Variants in ZFYVE28 observed in about 807,000 individuals in gnomAD.
ZFYVE28 encodes the protein lateral signaling target protein 2 homolog.
Under a neutral mutation model 82.1 loss-of-function variants are expected in ZFYVE28, and 40 were observed. The ratio of observed to expected loss-of-function variants is 0.49; its 90% confidence interval spans 0.38 to 0.63. The LOEUF is 0.63. Among genes scored for constraint, ZFYVE28 ranks in the 30% least tolerant of loss-of-function variants. The probability of loss-of-function intolerance (pLI) is 0.00; values close to 1 mark genes in which losing one functional copy is unlikely to be tolerated. For missense variants in ZFYVE28, 1,321 were observed against 1,242.1 expected, an observed-to-expected ratio of 1.06 and a Z score of -0.96; for synonymous variants, 612 against 546.1, an observed-to-expected ratio of 1.12 and a Z score of -1.68.
At chr4:2,401,753 A>G (rs960644371) in intron 1 of ZFYVE28, among the ~76,000 whole-genome samples, 1 of 152,172 alleles carries the variant, frequency 6.6e-6, no homozygotes, top group African/African-American at 2.4e-5. Context: ...CCCGGGGCTC[A>G]GGTGCAGAGC....
chr4:2,385,280 G>A (rs1269799333), intron 1 of ZFYVE28, among the ~76,000 whole-genome samples: 1 of 152,212 alleles, frequency 6.6e-6, no homozygotes, highest in Non-Finnish European at 1.5e-5. Flanking sequence ...CGGTAAGGGA[G>A]TGGGCCAAGA....
At chr4:2,412,781 TG>T (rs1220703438) in intron 1 of ZFYVE28, among the ~76,000 whole-genome samples, 2 of 152,146 alleles carry the variant, frequency 1.3e-5, no homozygotes, top group Admixed American at 1.3e-4. Flanking sequence ...TCCGGTATTC[TG>T]GGAATTCTTG....
At position 2,335,873 on chromosome 4, in the gene ZFYVE28, A is replaced by T; in HGVS notation, c.612-79T>A. 2 of 1,266,638 alleles carry T rather than the reference A, an allele frequency of 1.6e-6. No individual in the cohort carries two copies. The highest frequency in any genetic ancestry group is 2.6e-5 in the South Asian group (2 of 78,078). 78.5% of individuals were successfully genotyped at this position (1,266,638 alleles called of 1,614,324 possible). On this transcript the variant is annotated intron_variant, in intron 5 of 12. Transcript: ENST00000290974. The surrounding 1 kb of genome is among the most constrained non-coding windows in gnomAD (Gnocchi z 5.8). ...AGGTTGGACCCCAGCAGGGACAGGC[A>T]GTGCGCTCAATCTGTACCTGCAGCC...
chr4:2,303,414 C>T lies in ZFYVE28; in HGVS notation c.2051+875G>A, dbSNP rs575887991. 9.8e-4 allele frequency among the ~76,000 whole-genome samples: 150 copies of T among 152,346 alleles called. 1 individual carries two copies. Among genetic ancestry groups the T allele is most frequent in the Non-Finnish European group, 1.3e-3 (88 of 68,030 alleles). ...ATCCCCATCTGCTGCCCGGCTCCCACGGCTCCTGGTGGGGGCTTTTCTGGT... is the reference window on the plus strand; with the variant it reads ...ATCCCCATCTGCTGCCCGGCTCCCATGGCTCCTGGTGGGGGCTTTTCTGGT... On this transcript the variant is annotated intron_variant, in intron 8 of 12. Transcript: ENST00000290974.
In ZFYVE28 at chr4:2,330,401, AGAG is replaced by A. The variant is rs889467943; in HGVS notation, c.701+5301_701+5303del. On this transcript the variant is annotated intron_variant, in intron 6 of 12. Coordinates refer to ENST00000290974, the MANE Select transcript of ZFYVE28 (RefSeq NM_020972.3). ...TACAGCAGGGAGTAGGGGACAGTGC[AGAG>A]GAGAGGACAGCACGGAAGAGGGGAC... The A allele has an allele frequency of 5.4e-5, 56 of 1,032,620 alleles. No individual in the cohort carries two copies. In the African/African-American group the frequency reaches 9.3e-4, roughly 17 times the overall value. 64.0% of individuals were successfully genotyped at this position (1,032,620 alleles called of 1,614,324 possible). A position where few individuals can be genotyped will look rare whatever the true frequency, so the allele number is the denominator to read the frequency against.
At chr4:2,401,301 G>A (rs1488024043) in intron 1 of ZFYVE28, among the ~76,000 whole-genome samples, 1 of 152,208 alleles carries the variant, frequency 6.6e-6, no homozygotes, top group Non-Finnish European at 1.5e-5. Flanking sequence ...ATCCTGTGCA[G>A]AGCCACCCCA....
At chr4:2,286,660 G>C (rs937005316) in intron 8 of ZFYVE28, 3 of 152,270 alleles carry the variant, frequency 2.0e-5, no homozygotes, top group African/African-American at 7.2e-5. Context: ...GTGGGCTCTT[G>C]GTGGAGCAAA....
intron 1 of ZFYVE28, among the ~76,000 whole-genome samples, chr4:2,396,988 C>T (rs1441149994): frequency 2.0e-5 from 3 of 152,160 alleles, no homozygotes; most frequent in East Asian, 3.8e-4. Flanking sequence ...TGGGGCAGGA[C>T]AGGAGCCAGG....
chr4:2,285,549 C>G (rs181627445), intron 8 of ZFYVE28: 1 of 152,368 alleles, frequency 6.6e-6, no homozygotes, highest in African/African-American at 2.4e-5. Flanking sequence ...CATTCTCTCT[C>G]GTGGTTTTCC....
At chr4:2,287,866 G>A (rs950041485) in intron 8 of ZFYVE28, among the ~76,000 whole-genome samples, 1 of 152,220 alleles carries the variant, frequency 6.6e-6, no homozygotes, top group Non-Finnish European at 1.5e-5. Flanking sequence ...TGGTTCCAAA[G>A]TACTGAACAT....
At chr4:2,281,974 G>A (rs892294404) in intron 8 of ZFYVE28, among the ~76,000 whole-genome samples, 40 of 152,212 alleles carry the variant, frequency 2.6e-4, no homozygotes, top group African/African-American at 9.4e-4. Context: ...GTGAGATACA[G>A]CCACAGCTCA....
At chr4:2,363,058 T>C (rs1293490478) in intron 1 of ZFYVE28, among the ~76,000 whole-genome samples, 8 of 152,156 alleles carry the variant, frequency 5.3e-5, no homozygotes, top group Non-Finnish European at 4.4e-5. Flanking sequence ...ACCAGGGAAC[T>C]GCTGAGACTG....
chr4:2,280,073 T>C (rs562582225), intron 8 of ZFYVE28, among the ~76,000 whole-genome samples: 53 of 152,352 alleles, frequency 3.5e-4, no homozygotes, highest in Admixed American at 2.5e-3. Flanking sequence ...CAAACTCATA[T>C]GCAAGAAATA....
intron 7 of ZFYVE28, among the ~76,000 whole-genome samples, chr4:2,309,682 G>C (rs1288130678): frequency 6.6e-6 from 1 of 152,046 alleles, no homozygotes; most frequent in East Asian, 1.9e-4. Flanking sequence ...ATGTTAAATG[G>C]AGATAGTGAA....
rs1054705502 is a variant in ZFYVE28 at position 2,302,609 on chromosome 4, G to A, written c.2051+1680C>T. Reference sequence around the variant, plus strand: ...CACACACAGAGTGACCACATGATCCGCAATTCCGCTCACAGGGATCCACCC... The same window carrying A: ...CACACACAGAGTGACCACATGATCCACAATTCCGCTCACAGGGATCCACCC... On this transcript the variant is annotated intron_variant, in intron 8 of 12. Transcript: ENST00000290974. 6.6e-5 allele frequency among the ~76,000 whole-genome samples: 10 copies of A among 152,358 alleles called. 1 individual carries two copies. The highest frequency in any genetic ancestry group is 2.1e-4 in the South Asian group (1 of 4,828).
At chr4:2,278,930 C>T (rs1174791905) in intron 8 of ZFYVE28, among the ~76,000 whole-genome samples, 1 of 14,456 alleles carries the variant, frequency 6.9e-5, no homozygotes, top group Non-Finnish European at 1.2e-4. Context: ...TTAGAATGTT[C>T]CCCCCCCCCT....
chr4:2,405,093 C>A (rs1349763086), intron 1 of ZFYVE28, among the ~76,000 whole-genome samples: 1 of 152,144 alleles, frequency 6.6e-6, no homozygotes, highest in Admixed American at 6.5e-5. Flanking sequence ...CCATAACTAA[C>A]CTCATCCACA....
At chr4:2,368,430 T>C (rs1320078993) in intron 1 of ZFYVE28, among the ~76,000 whole-genome samples, 1 of 151,820 alleles carries the variant, frequency 6.6e-6, no homozygotes, top group Non-Finnish European at 1.5e-5. Flanking sequence ...AGTTTTAGGG[T>C]ATTCTCAGAG....
At chr4:2,343,994 C>T (rs879435945) in intron 2 of ZFYVE28, among the ~76,000 whole-genome samples, 13 of 152,208 alleles carry the variant, frequency 8.5e-5, no homozygotes, top group Admixed American at 1.3e-4. Flanking sequence ...ACCCCACTCC[C>T]AAGAACAACA....
Sources: gnomAD v4.1 joint callset for allele counts (sites outside exome capture counted in the v4.1 genomes callset) on GRCh38, gnomAD v4.1.1 for gene constraint, Gnocchi (gnomAD v3.1) non-coding constraint, MANE v1.5 for transcripts, NCBI Gene and HGNC (gene_info 2026-07-23, HGNC 2026-07-21) for gene names.